IL17F: variants seen among roughly 807,000 people sequenced by gnomAD.
The protein encoded by IL17F is interleukin 17F.
A neutral mutation model predicts 8.3 loss-of-function variants in IL17F; 6 were observed. That is an observed-to-expected ratio of 0.73 (90% CI 0.40 to 1.43). IL17F has a LOEUF of 1.43. Ranked by LOEUF, IL17F falls within the 40% of genes most tolerant of loss-of-function variation. IL17F has a pLI of 0.02. For synonymous variants in IL17F, 98 were observed against 81.6 expected (o/e 1.20, Z -1.08); for missense variants, 204 against 209.6 (o/e 0.97, Z 0.17).
At chr6:52,237,686 C>T (rs1044732860) in intron 2 of IL17F, among the ~76,000 whole-genome samples, 2 of 152,032 alleles carry the variant, frequency 1.3e-5, no homozygotes, top group Non-Finnish European at 2.9e-5. Context: ...GGCATAAAGA[C>T]CACAACATTT....
intron 1 of IL17F, among the ~76,000 whole-genome samples, chr6:52,240,415 C>T (rs900120830): frequency 3.8e-5 from 5 of 131,852 alleles, no homozygotes; most frequent in Non-Finnish European, 7.7e-5. Flanking sequence ...CCAGCCTGGG[C>T]GACAGTGCGA....
chr6:52,238,876 T>C lies in IL17F; in HGVS notation c.108A>G (p.Val36=). The change falls in exon 2 of 3, where the codon GTA becomes GTG. Residue 36 remains valine, a synonymous_variant. Coordinates refer to ENST00000336123, the MANE Select transcript of IL17F (RefSeq NM_052872.4). ...SEAAARKIPK[V]GHTFFQKPES... ...CAGGCTTTTGGAAAAAAGTATGTCC[T>C]ACTTTGGGGATTTTCCGAGCTGCCG... 6.2e-7 allele frequency: 1 copy of C among 1,614,066 alleles called. No homozygotes were observed. The highest frequency in any genetic ancestry group is 1.1e-5 in the South Asian group (1 of 91,076).
chr6:52,243,769 T>A (rs1764110375), intron 1 of IL17F, among the ~76,000 whole-genome samples: 1 of 151,958 alleles, frequency 6.6e-6, no homozygotes, highest in Non-Finnish European at 1.5e-5. Context: ...GGAGCTGCAT[T>A]TTTTTTTCTT....
chr6:52,240,832 C>T (rs1289413781), intron 1 of IL17F, among the ~76,000 whole-genome samples: 2 of 151,654 alleles, frequency 1.3e-5, no homozygotes, highest in African/African-American at 4.9e-5. Context: ...AGTCAGAAGT[C>T]CAGGGTCTGT....
Position 52,236,762 on chromosome 6 carries a change from T to C in IL17F, c.*169A>G, listed in dbSNP as rs1156646940. The C allele has an allele frequency of 5.9e-6, 4 of 678,420 alleles. No individual in the cohort carries two copies. Among genetic ancestry groups the C allele is most frequent in the Non-Finnish European group, 1.1e-5 (4 of 373,780 alleles). 42.0% of individuals were successfully genotyped at this position (678,420 alleles called of 1,614,324 possible). ...AACATTTTAGATATCAAATATAAAG[T>C]GTAGTACATACACACATACATTGTG... On this transcript the variant is annotated 3_prime_UTR_variant, in exon 3 of 3. Coordinates refer to ENST00000336123, the MANE Select transcript of IL17F (RefSeq NM_052872.4).
Position 52,244,416 on chromosome 6 carries a change from G to GTCT in IL17F, c.11_13dup (p.Lys4dup). ...ACTCACCATGGCTGGGCCATGCAGGGTCTTCACTGTCATGTTGCGCTGGTG... is the reference window on the plus strand; with the variant it reads ...ACTCACCATGGCTGGGCCATGCAGGGTCTTCTTCACTGTCATGTTGCGCTGGTG... On this transcript the variant is annotated inframe_insertion, in exon 1 of 3. Transcript: ENST00000336123. 2 of 1,614,042 alleles carry GTCT rather than the reference G, an allele frequency of 1.2e-6. No individual in the cohort carries two copies. Among genetic ancestry groups the GTCT allele is most frequent in the African/African-American group, 1.3e-5 (1 of 75,032 alleles).
intron 1 of IL17F, among the ~76,000 whole-genome samples, chr6:52,243,720 G>A (rs1276475115): frequency 1.3e-5 from 2 of 152,132 alleles, no homozygotes; most frequent in Admixed American, 6.5e-5. Context: ...CACCACCTGG[G>A]CACACACTAA....
In IL17F at chr6:52,237,109, A is replaced by C. The variant is rs750479457; in HGVS notation, c.314T>G (p.Leu105Trp). ...SEVVQAQCRNLGCINAQGKED... is the reference protein window; with the variant it reads ...SEVVQAQCRNWGCINAQGKED... ...CTTTCCTTGAGCATTGATGCAGCCC[A>C]AGTTCCTACACTGGGCCTGTACAAC... The change falls in exon 3 of 3, where the codon TTG (leucine) becomes TGG (tryptophan). Residue 105 changes from leucine to tryptophan, a missense_variant. Coordinates refer to ENST00000336123, the MANE Select transcript of IL17F (RefSeq NM_052872.4). 6.2e-7 allele frequency: 1 copy of C among 1,614,074 alleles called. No homozygotes were observed. The highest frequency in any genetic ancestry group is 8.5e-7 in the Non-Finnish European group (1 of 1,180,034).
At chr6:52,244,139 C>T (rs1467200684) in intron 1 of IL17F, among the ~76,000 whole-genome samples, 1 of 152,148 alleles carries the variant, frequency 6.6e-6, no homozygotes, top group East Asian at 1.9e-4. Flanking sequence ...ATGTGACCCG[C>T]CCGCCTTGGC....
At chr6:52,237,749 C>A (rs1279613980) in intron 2 of IL17F, among the ~76,000 whole-genome samples, 2 of 152,090 alleles carry the variant, frequency 1.3e-5, no homozygotes, top group Non-Finnish European at 2.9e-5. Flanking sequence ...ACAGGACCCC[C>A]ACCAGGTTAC....
At chr6:52,243,786 A>G (rs11465543) in intron 1 of IL17F, among the ~76,000 whole-genome samples, 9,313 of 150,566 alleles carry the variant, frequency 0.062, 394 homozygotes, top group Middle Eastern at 0.11. Context: ...TCTTTGAGAC[A>G]GAGTCTCGCT....
At chr6:52,245,288 T>G (rs559529869), upstream of IL17F, among the ~76,000 whole-genome samples, 41 of 152,306 alleles carry the variant, frequency 2.7e-4, no homozygotes, top group South Asian at 2.7e-3. Context: ...TCCCACAGGC[T>G]GAAGGCTCAG....
upstream of IL17F, among the ~76,000 whole-genome samples, chr6:52,245,364 C>G (rs537262301): frequency 6.6e-6 from 1 of 152,376 alleles, no homozygotes; most frequent in African/African-American, 2.4e-5. Flanking sequence ...TTCTGACTGA[C>G]TGGCCTCAAG....
intron 1 of IL17F, among the ~76,000 whole-genome samples, chr6:52,242,300 C>T (rs1339831743): frequency 2.0e-5 from 3 of 152,196 alleles, no homozygotes; most frequent in Non-Finnish European, 4.4e-5. Flanking sequence ...AATGTGAGCT[C>T]ACCTGAGCAA....
At position 52,236,773 on chromosome 6, in the gene IL17F, C is replaced by T; in HGVS notation, c.*158G>A. 2 of 727,582 alleles carry T rather than the reference C, an allele frequency of 2.7e-6. No homozygotes were observed. The highest frequency in any genetic ancestry group is 3.0e-5 in the South Asian group (2 of 67,186). The allele number at this position is 727,582 out of a possible 1,614,324, so 45.1% of individuals were successfully genotyped here. A position where few individuals can be genotyped will look rare whatever the true frequency, so the allele number is the denominator to read the frequency against. ...TATCAAATATAAAGTGTAGTACATA[C>T]ACACATACATTGTGAATATTTTCTG... On this transcript the variant is annotated 3_prime_UTR_variant, in exon 3 of 3. Transcript: ENST00000336123.
chr6:52,243,793 C>T (rs1397446585), intron 1 of IL17F, among the ~76,000 whole-genome samples: 2 of 152,022 alleles, frequency 1.3e-5, no homozygotes, highest in Non-Finnish European at 2.9e-5. Context: ...GACAGAGTCT[C>T]GCTATGTCAC....
intron 2 of IL17F, among the ~76,000 whole-genome samples, chr6:52,238,098 G>C (rs1159588306): frequency 6.6e-6 from 1 of 152,142 alleles, no homozygotes; most frequent in Non-Finnish European, 1.5e-5. Flanking sequence ...TCGAGGCAGG[G>C]GGCACTACCG....
chr6:52,244,254 A>C (rs1413639572), intron 1 of IL17F, 143 bp downstream of exon 1: 1 of 846,030 alleles, frequency 1.2e-6, no homozygotes, highest in African/African-American at 1.7e-5. Flanking sequence ...TTTCTCCACC[A>C]GACAGGAGTC....
In IL17F at chr6:52,240,050, C is replaced by T. The variant is rs79502761; in HGVS notation, c.34-1100G>A. On this transcript the variant is annotated intron_variant, in intron 1 of 2. Coordinates refer to ENST00000336123, the MANE Select transcript of IL17F (RefSeq NM_052872.4). Reference sequence around the variant, plus strand: ...AAAGCTACAAATCTTGCCAGATTCCCTTTGTCACAACCATGCTTTGCTCAC... The same window carrying T: ...AAAGCTACAAATCTTGCCAGATTCCTTTTGTCACAACCATGCTTTGCTCAC... Among the ~76,000 whole-genome samples the T allele has an allele frequency of 5.3e-3, 804 of 152,294 alleles. 7 individuals carry two copies. The highest frequency in any genetic ancestry group is 0.018 in the African/African-American group (767 of 41,560).
Sources: allele counts gnomAD v4.1 joint callset (sites outside exome capture counted in the v4.1 genomes callset), GRCh38; gene constraint gnomAD v4.1.1; transcripts MANE v1.5; gene names NCBI Gene and HGNC (gene_info 2026-07-23, HGNC 2026-07-21).